Variants in LEF1 observed in about 807,000 individuals in gnomAD.
LEF1 encodes the protein lymphoid enhancer binding factor 1, also known as lymphoid enhancer-binding factor 1.
In LEF1, 14 loss-of-function variants were observed where a neutral mutation model predicts 51.2. The observed-to-expected ratio is 0.27, with a 90% CI of 0.18 to 0.43. The LOEUF (loss-of-function observed/expected upper bound fraction) is 0.43. Among genes scored for constraint, LEF1 ranks in the 20% least tolerant of loss-of-function variants. The pLI is 1.00. For synonymous variants in LEF1, 185 were observed against 183.2 expected, an observed-to-expected ratio of 1.01 and a Z score of -0.08; for missense variants, 386 against 512.0, an observed-to-expected ratio of 0.75 and a Z score of 2.37.
At chr4:108,098,419 G>T (rs1182076131) in intron 3 of LEF1, among the ~76,000 whole-genome samples, 2 of 151,802 alleles carry the variant, frequency 1.3e-5, no homozygotes, top group Non-Finnish European at 2.9e-5. Context: ...CAGATGGTCT[G>T]TTTAAATGTT....
chr4:108,079,580 G>GTC lies in LEF1; in HGVS notation c.756_757insGA (p.Pro253AspfsTer13). 1 of 1,613,938 alleles carries GTC rather than the reference G, an allele frequency of 6.2e-7. No homozygotes were observed. Among genetic ancestry groups the GTC allele is most frequent in the East Asian group, 2.2e-5 (1 of 44,874 alleles). On this transcript the variant is annotated frameshift_variant, in exon 7 of 12. Coordinates refer to ENST00000265165, the MANE Select transcript of LEF1 (RefSeq NM_016269.5). LOFTEE classifies it high-confidence loss of function. ...GGATGAGGGATGCCAGTTGTGTGGGGACCAGGAGGACCGGGAATCATATGA... is the reference window on the plus strand; with the variant it reads ...GGATGAGGGATGCCAGTTGTGTGGGGTCACCAGGAGGACCGGGAATCATATGA...
At chr4:108,105,024 C>T (rs1445869887) in intron 3 of LEF1, among the ~76,000 whole-genome samples, 1 of 152,132 alleles carries the variant, frequency 6.6e-6, no homozygotes, top group Non-Finnish European at 1.5e-5. Context: ...AAATCACAGG[C>T]ATGAGCAAAA....
At chr4:108,110,730 C>G (rs1741480596) in intron 3 of LEF1, among the ~76,000 whole-genome samples, 1 of 152,184 alleles carries the variant, frequency 6.6e-6, no homozygotes, top group African/African-American at 2.4e-5. Flanking sequence ...GACTTAACCG[C>G]TGCTTCCTCA....
chr4:108,069,159 C>A (rs1738282695), intron 9 of LEF1, among the ~76,000 whole-genome samples: 1 of 152,202 alleles, frequency 6.6e-6, no homozygotes, highest in Non-Finnish European at 1.5e-5. Flanking sequence ...AGCCAGAAGA[C>A]TGGGACCAGG....
chr4:108,148,721 C>T (rs1744144490), intron 3 of LEF1, among the ~76,000 whole-genome samples: 1 of 152,192 alleles, frequency 6.6e-6, no homozygotes, highest in South Asian at 2.1e-4. Flanking sequence ...TGAAAACATT[C>T]TTTAGGATTT....
chr4:108,110,697 C>G (rs1160598102), intron 3 of LEF1, among the ~76,000 whole-genome samples: 1 of 152,162 alleles, frequency 6.6e-6, no homozygotes, highest in African/African-American at 2.4e-5. Context: ...CGACCCTGCT[C>G]CCTTCCATCA....
intron 3 of LEF1, among the ~76,000 whole-genome samples, chr4:108,120,936 A>G (rs1742140310): frequency 6.6e-6 from 1 of 152,228 alleles, no homozygotes; most frequent in South Asian, 2.1e-4. Context: ...TACTTTTGAT[A>G]ACCAAGTCTA....
intron 3 of LEF1, among the ~76,000 whole-genome samples, chr4:108,140,533 T>C (rs576794907): frequency 2.0e-5 from 3 of 152,310 alleles, no homozygotes; most frequent in East Asian, 3.9e-4. Context: ...ACGCCTCTGA[T>C]GTCTAAGCTG....
At chr4:108,085,449 A>G (rs1003860801) in intron 4 of LEF1, among the ~76,000 whole-genome samples, 1 of 152,348 alleles carries the variant, frequency 6.6e-6, no homozygotes, top group South Asian at 2.1e-4. Flanking sequence ...AGTGACTGTT[A>G]AGGCATCTGT....
intron 3 of LEF1, among the ~76,000 whole-genome samples, chr4:108,104,035 T>C (rs1740986879): frequency 6.6e-6 from 1 of 152,088 alleles, no homozygotes; most frequent in Non-Finnish European, 1.5e-5. Context: ...GATAAACAAA[T>C]TGTGGTACAT....
chr4:108,103,184 A>T (rs2110297611), intron 3 of LEF1, among the ~76,000 whole-genome samples: 1 of 152,362 alleles, frequency 6.6e-6, no homozygotes, highest in South Asian at 2.1e-4. Context: ...ACAACAAAGC[A>T]TCACTATGGA....
chr4:108,158,777 T>A (rs1744891431), intron 3 of LEF1, among the ~76,000 whole-genome samples: 1 of 151,618 alleles, frequency 6.6e-6, no homozygotes, highest in Non-Finnish European at 1.5e-5. Flanking sequence ...TGCTTGTGAG[T>A]CTACAAATTC....
At position 108,095,612 on chromosome 4, in the gene LEF1, A is replaced by G. The variant is rs574458545; in HGVS notation, c.415-6355T>C. On this transcript the variant is annotated intron_variant, in intron 3 of 11. Transcript: ENST00000265165. ...ACAGTGGACCACTTGGAGAAAACTG[A>G]TATTACCAGAGGCAATCAGACTACA... Among the ~76,000 whole-genome samples, 50 of 152,264 alleles carry G rather than the reference A, an allele frequency of 3.3e-4. 1 individual carries two copies. Among genetic ancestry groups the G allele is most frequent in the Non-Finnish European group, 5.9e-4 (40 of 68,018 alleles).
chr4:108,048,879 G>A (rs1736793268), intron 11 of LEF1, 128 bp from the exon 12 acceptor site: 2 of 579,696 alleles, frequency 3.5e-6, no homozygotes, highest in South Asian at 9.4e-5. Flanking sequence ...TTAATTTGGG[G>A]ATGGCTAAAA....
intron 3 of LEF1, among the ~76,000 whole-genome samples, chr4:108,123,561 GCTTT>G (rs1208691908): frequency 6.8e-6 from 1 of 147,250 alleles, no homozygotes; most frequent in Non-Finnish European, 1.5e-5. Context: ...TCCATTTACT[GCTTT>G]CTGAGTACCC....
At chr4:108,130,740 A>G (rs1482022851) in intron 3 of LEF1, among the ~76,000 whole-genome samples, 1 of 151,966 alleles carries the variant, frequency 6.6e-6, no homozygotes, top group African/African-American at 2.4e-5. Flanking sequence ...AAAAAAAAAA[A>G]AAAGACTTTC....
rs141993391 is a variant in LEF1, at chr4:108,160,770, C to T, written c.414+2798G>A. Among the ~76,000 whole-genome samples, 4 of 152,228 alleles carry T rather than the reference C, an allele frequency of 2.6e-5. No homozygotes were observed. The East Asian group carries it at 7.7e-4, about 29-fold the overall frequency. On this transcript the variant is annotated intron_variant, in intron 3 of 11. Coordinates refer to ENST00000265165, the MANE Select transcript of LEF1 (RefSeq NM_016269.5). ...TCTAAAAAATAAGCAAAAGCATATGCACTTTTTATAATTAGATTCCAGCAG... is the reference window on the plus strand; with the variant it reads ...TCTAAAAAATAAGCAAAAGCATATGTACTTTTTATAATTAGATTCCAGCAG...
At chr4:108,124,934 C>T (rs1578371795) in intron 3 of LEF1, among the ~76,000 whole-genome samples, 1 of 152,110 alleles carries the variant, frequency 6.6e-6, no homozygotes, top group East Asian at 1.9e-4. Context: ...GTTACCAACC[C>T]GTGGGAGTCA....
At chr4:108,069,109 A>G (rs1267825659) in intron 9 of LEF1, among the ~76,000 whole-genome samples, 1 of 152,186 alleles carries the variant, frequency 6.6e-6, no homozygotes, top group Non-Finnish European at 1.5e-5. Flanking sequence ...AAGAGACCCC[A>G]GAGCACTCTC....
Sources: allele counts gnomAD v4.1 joint callset (sites outside exome capture counted in the v4.1 genomes callset), GRCh38; gene constraint gnomAD v4.1.1; transcripts MANE v1.5; gene names NCBI Gene and HGNC (gene_info 2026-07-23, HGNC 2026-07-21).